Variants in CDH13 observed in about 807,000 individuals in gnomAD.
CDH13 encodes cadherin 13.
Under a neutral mutation model 63.8 loss-of-function variants are expected in CDH13, and 24 were observed. The ratio of observed to expected loss-of-function variants is 0.38; its 90% CI spans 0.27 to 0.53. The LOEUF (loss-of-function observed/expected upper bound fraction) is 0.53, where lower values mean the gene tolerates loss of function less well. CDH13 is among the 20% of genes least tolerant of loss of function. The probability of loss-of-function intolerance (pLI) is 0.85; values close to 1 mark genes in which losing one functional copy is unlikely to be tolerated. For synonymous variants in CDH13, 503 were observed against 355.3 expected, an observed-to-expected ratio of 1.42 and a Z score of -4.67; for missense variants, 1,049 against 903.1, an observed-to-expected ratio of 1.16 and a Z score of -2.07.
chr16:83,065,236 T>A (rs901911752), intron 3 of CDH13, among the ~76,000 whole-genome samples: 2 of 152,032 alleles, frequency 1.3e-5, no homozygotes, highest in Admixed American at 6.6e-5. Context: ...CATTTAATGG[T>A]CGGATATAGA....
chr16:83,512,939 G>A (rs1176624622), intron 7 of CDH13, among the ~76,000 whole-genome samples: 1 of 151,742 alleles, frequency 6.6e-6, no homozygotes, highest in Non-Finnish European at 1.5e-5. Context: ...GAGAACCTCT[G>A]ATCAAGCCCT....
chr16:83,355,484 A>G (rs76893002), intron 6 of CDH13, among the ~76,000 whole-genome samples: 2,131 of 152,342 alleles, frequency 0.014, 54 homozygotes, highest in African/African-American at 0.048. Context: ...TCCCAGGCAC[A>G]AATTATCCAC....
At chr16:83,050,350 A>C (rs1226686551) in intron 3 of CDH13, among the ~76,000 whole-genome samples, 1 of 151,952 alleles carries the variant, frequency 6.6e-6, no homozygotes, top group Non-Finnish European at 1.5e-5. Context: ...TCTATATTCA[A>C]CTCTTTGAGA....
chr16:82,640,816 AT>A (rs1214339154), intron 1 of CDH13, among the ~76,000 whole-genome samples: 1 of 152,222 alleles, frequency 6.6e-6, no homozygotes, highest in Non-Finnish European at 1.5e-5. Flanking sequence ...ATGGAACATA[AT>A]TCTCAGAGTA....
chr16:83,663,655 G>T (rs914433922), intron 8 of CDH13, among the ~76,000 whole-genome samples: 1 of 152,248 alleles, frequency 6.6e-6, no homozygotes, highest in African/African-American at 2.4e-5. Flanking sequence ...GCTCAACAAT[G>T]GGAGAGGCAT....
chr16:82,920,699 A>G (rs1294099161), intron 2 of CDH13, among the ~76,000 whole-genome samples: 1 of 152,104 alleles, frequency 6.6e-6, no homozygotes, highest in Non-Finnish European at 1.5e-5. Flanking sequence ...TCTCTCTCAC[A>G]CACTCTCTTT....
Position 83,077,191 on chromosome 16 carries a change from T to C in CDH13, c.366+44973T>C, listed in dbSNP as rs1381959304. 6.2e-5 allele frequency among the ~76,000 whole-genome samples: 7 copies of C among 112,006 alleles called. No homozygotes were observed. In the East Asian group the frequency reaches 1.2e-3, roughly 19 times the overall value. 73.5% of individuals were successfully genotyped at this position (112,006 alleles called of 152,430 possible). ...TCTTTTCTTTTTTTTCTTTTCTTTT[T>C]TTTTTTTTTTTTTTTTTTTGAGACA... On this transcript the variant is annotated intron_variant, in intron 3 of 13. Coordinates refer to ENST00000567109, the MANE Select transcript of CDH13 (RefSeq NM_001257.5).
intron 1 of CDH13, among the ~76,000 whole-genome samples, chr16:82,716,878 C>A (rs967925944): frequency 6.6e-6 from 1 of 151,784 alleles, no homozygotes; most frequent in Non-Finnish European, 1.5e-5. Flanking sequence ...TTACACGGGT[C>A]CGTCGTAAGA....
intron 5 of CDH13, among the ~76,000 whole-genome samples, chr16:83,295,297 AG>A (rs925684442): frequency 1.3e-5 from 2 of 152,198 alleles, no homozygotes; most frequent in Admixed American, 1.3e-4. Context: ...CATAGGGAAA[AG>A]TTCCATGACA....
chr16:83,389,940 A>G (rs1322266907), intron 6 of CDH13, among the ~76,000 whole-genome samples: 1 of 152,198 alleles, frequency 6.6e-6, no homozygotes, highest in Non-Finnish European at 1.5e-5. Flanking sequence ...CGCTTTAACT[A>G]ATGGGATCTG....
At chr16:82,969,121 T>A (rs566652983) in intron 2 of CDH13, among the ~76,000 whole-genome samples, 224 of 152,178 alleles carry the variant, frequency 1.5e-3, no homozygotes, top group African/African-American at 5.0e-3. Flanking sequence ...GAAAAAGAAA[T>A]AATAAACATT....
At chr16:83,411,582 T>A (rs920657792) in intron 6 of CDH13, among the ~76,000 whole-genome samples, 1 of 152,222 alleles carries the variant, frequency 6.6e-6, no homozygotes, top group East Asian at 1.9e-4. Flanking sequence ...CTACCATTCA[T>A]TTGGCACACA....
intron 11 of CDH13, among the ~76,000 whole-genome samples, chr16:83,764,252 A>AC (rs377403501): frequency 3.0e-3 from 456 of 151,822 alleles, no homozygotes; most frequent in African/African-American, 0.011. Flanking sequence ...TGGGCCATGG[A>AC]CCCCCCCACT....
intron 1 of CDH13, among the ~76,000 whole-genome samples, chr16:82,662,569 C>T (rs543695258): frequency 2.0e-5 from 3 of 152,294 alleles, no homozygotes; most frequent in Non-Finnish European, 2.9e-5. Flanking sequence ...GGAGTAAATC[C>T]ATCCCCACCA....
intron 7 of CDH13, among the ~76,000 whole-genome samples, chr16:83,572,890 G>A (rs1290283939): frequency 6.6e-6 from 1 of 152,144 alleles, no homozygotes; most frequent in Non-Finnish European, 1.5e-5. Context: ...TTATTTCCTA[G>A]TAGTATGACC....
At position 83,167,652 on chromosome 16, in the gene CDH13, G is replaced by A. The variant is rs552102161; in HGVS notation, c.483+42151G>A. On this transcript the variant is annotated intron_variant, in intron 4 of 13. Coordinates refer to ENST00000567109, the MANE Select transcript of CDH13 (RefSeq NM_001257.5). The stretch of plus-strand genomic sequence containing the variant: ...CTTTCTCTCTTTTCCCAAAGCTCTC[G>A]TATCAATTCCATTTAAGCCAAATCT... 1.3e-3 allele frequency among the ~76,000 whole-genome samples: 197 copies of A among 151,252 alleles called. 4 individuals are homozygous for A. In the South Asian group the frequency reaches 0.04, roughly 31 times the overall value.
At chr16:83,077,555 G>C (rs147255078) in intron 3 of CDH13, among the ~76,000 whole-genome samples, 1 of 152,014 alleles carries the variant, frequency 6.6e-6, no homozygotes, top group East Asian at 1.9e-4. Flanking sequence ...TTTGTTGCTA[G>C]GTAATATTCT....
At chr16:83,671,510 A>C (rs1163390846) in intron 9 of CDH13, among the ~76,000 whole-genome samples, 5 of 152,138 alleles carry the variant, frequency 3.3e-5, no homozygotes, top group Admixed American at 6.5e-5. Context: ...TGGCCTCCCA[A>C]AATGCTGGAG....
At chr16:83,165,885 C>T (rs1045607735) in intron 4 of CDH13, among the ~76,000 whole-genome samples, 1 of 152,088 alleles carries the variant, frequency 6.6e-6, no homozygotes. Context: ...AGCACAATCG[C>T]TCTGTAGGAC....
Sources: allele counts gnomAD v4.1 joint callset (sites outside exome capture counted in the v4.1 genomes callset), GRCh38; gene constraint gnomAD v4.1.1; transcripts MANE v1.5; gene names NCBI Gene and HGNC (gene_info 2026-07-23, HGNC 2026-07-21).